CMTM7: variants seen among roughly 807,000 people sequenced by gnomAD.
CMTM7 encodes the protein CKLF-like MARVEL transmembrane domain-containing protein 7.
In CMTM7, 7 loss-of-function variants were observed where a neutral mutation model predicts 19.3. The observed-to-expected ratio is 0.36, with a 90% CI of 0.21 to 0.68. The LOEUF (loss-of-function observed/expected upper bound fraction) is 0.68. Ranked by LOEUF, CMTM7 falls within the 30% of genes least tolerant of loss-of-function variation. CMTM7 has a pLI of 0.60. For synonymous variants in CMTM7, 87 were observed against 99.3 expected (o/e 0.88, Z 0.74); for missense variants, 193 against 232.6 (o/e 0.83, Z 1.11).
chr3:32,452,849 C>T (rs1214051257), intron 4 of CMTM7, among the ~76,000 whole-genome samples: 1 of 148,670 alleles, frequency 6.7e-6, no homozygotes, highest in Non-Finnish European at 1.5e-5. Context: ...CTCCCAGGCT[C>T]AAGTGATCCT....
At chr3:32,392,307 G>A (rs1695849014) in intron 1 of CMTM7, among the ~76,000 whole-genome samples, 1 of 151,450 alleles carries the variant, frequency 6.6e-6, no homozygotes, top group Non-Finnish European at 1.5e-5. Flanking sequence ...GACCCAGGTC[G>A]CCAGGGTCGC....
chr3:32,415,416 G>A (rs762898329), intron 1 of CMTM7, among the ~76,000 whole-genome samples: 15 of 152,168 alleles, frequency 9.9e-5, no homozygotes, highest in Non-Finnish European at 2.1e-4. Context: ...CCTGCAGGTC[G>A]TCTTCCACTG....
intron 1 of CMTM7, among the ~76,000 whole-genome samples, chr3:32,401,201 A>G (rs1460432617): frequency 4.6e-5 from 7 of 152,234 alleles, no homozygotes; most frequent in African/African-American, 1.7e-4. Flanking sequence ...GTATCTGCAT[A>G]TATTTGAAGA....
intron 1 of CMTM7, among the ~76,000 whole-genome samples, chr3:32,418,668 C>G (rs1413727744): frequency 6.6e-6 from 1 of 152,166 alleles, no homozygotes; most frequent in Non-Finnish European, 1.5e-5. Flanking sequence ...CCTTTCTCCA[C>G]TGAATTACTT....
intron 4 of CMTM7, among the ~76,000 whole-genome samples, chr3:32,454,001 C>T (rs938087501): frequency 6.6e-6 from 1 of 152,136 alleles, no homozygotes; most frequent in African/African-American, 2.4e-5. Context: ...TGGGAGGTTG[C>T]TGCTGAGGAG....
intron 1 of CMTM7, among the ~76,000 whole-genome samples, 184 bp downstream of exon 1, chr3:32,392,249 C>T (rs1304303802): frequency 6.6e-6 from 1 of 152,198 alleles, no homozygotes; most frequent in East Asian, 1.9e-4. Flanking sequence ...GCCGCAGCCC[C>T]CGCGCTGGAG....
chr3:32,453,322 C>T (rs896913771), intron 4 of CMTM7, among the ~76,000 whole-genome samples: 8 of 152,006 alleles, frequency 5.3e-5, no homozygotes, highest in Non-Finnish European at 8.8e-5. Context: ...ATCACACTAC[C>T]CAGAAGTAGC....
chr3:32,454,186 T>C (rs1696876207), intron 4 of CMTM7, 55 bp from the exon 5 acceptor site: 4 of 1,553,018 alleles, frequency 2.6e-6, no homozygotes, highest in Non-Finnish European at 3.5e-6. Flanking sequence ...GGAGTGTGGC[T>C]TGTGGGTGGG....
chr3:32,393,369 A>G (rs1329016038), intron 1 of CMTM7, among the ~76,000 whole-genome samples: 1 of 152,216 alleles, frequency 6.6e-6, no homozygotes, highest in African/African-American at 2.4e-5. Flanking sequence ...CCAGGCTAAG[A>G]GATTTGATCA....
chr3:32,391,990 C>G lies in CMTM7; in HGVS notation c.84C>G (p.Ser28Arg). 3.2e-6 allele frequency: 4 copies of G among 1,233,620 alleles called. No homozygotes were observed. Among genetic ancestry groups the G allele is most frequent in the Non-Finnish European group, 4.1e-6 (4 of 987,072 alleles). The allele number at this position is 1,233,620 out of a possible 1,614,324, so 76.4% of individuals were successfully genotyped here. A position where few individuals can be genotyped will look rare whatever the true frequency, so the allele number is the denominator to read the frequency against. The stretch of plus-strand genomic sequence containing the variant: ...CCGGGGCCGGCGCGGCCCAGCCCAG[C>G]GCGAGCCCCTTGGAGGGGCTGCTGG... The part of the protein sequence containing the change: ...LGPGAGAAQP[S>R]ASPLEGLLDL... Residue 28 changes from serine (S) to arginine (R), a missense_variant, in exon 1 of 5, where the codon AGC becomes AGG. By Grantham distance (110) the Ser-to-Arg change is moderately radical. Coordinates refer to ENST00000334983, the MANE Select transcript of CMTM7 (RefSeq NM_138410.4).
intron 1 of CMTM7, among the ~76,000 whole-genome samples, chr3:32,404,142 C>CTTTTTTTTCTT (rs1559401304): frequency 0.015 from 1,628 of 108,932 alleles, 97 homozygotes; most frequent in Non-Finnish European, 0.021. Flanking sequence ...TTCTTTCTTT[C>CTTTTTTTTCTT]TTTTTTTTTC....
intron 1 of CMTM7, among the ~76,000 whole-genome samples, chr3:32,398,078 G>A (rs751235954): frequency 3.9e-5 from 6 of 152,152 alleles, no homozygotes; most frequent in Non-Finnish European, 8.8e-5. Flanking sequence ...GTTTAAGTTA[G>A]AGATAAGTGG....
At chr3:32,413,215 A>G (rs1696205556) in intron 1 of CMTM7, among the ~76,000 whole-genome samples, 1 of 152,228 alleles carries the variant, frequency 6.6e-6, no homozygotes, top group African/African-American at 2.4e-5. Flanking sequence ...TCATTTACCA[A>G]AAAGAAATGG....
chr3:32,445,538 G>A (rs187126180), intron 2 of CMTM7, among the ~76,000 whole-genome samples: 4 of 152,048 alleles, frequency 2.6e-5, no homozygotes, highest in Non-Finnish European at 4.4e-5. Context: ...TTTTAGACAG[G>A]ATCTTGGTCT....
Position 32,437,798 on chromosome 3 carries a change from G to A in CMTM7, c.160-4042G>A, listed in dbSNP as rs537903699. Among the ~76,000 whole-genome samples, 4 of 152,216 alleles carry A rather than the reference G, an allele frequency of 2.6e-5. No homozygotes were observed. The East Asian group carries it at 7.7e-4, about 29-fold the overall frequency. On this transcript the variant is annotated intron_variant, in intron 1 of 4. Coordinates refer to ENST00000334983, the MANE Select transcript of CMTM7 (RefSeq NM_138410.4). ...CCCAGCTACTTGTGAGGCTGAGGTA[G>A]GAGAATCCCTTGAACCAGGGAGGTG...
At chr3:32,429,296 A>T (rs1331721574) in intron 1 of CMTM7, among the ~76,000 whole-genome samples, 18 of 139,892 alleles carry the variant, frequency 1.3e-4, no homozygotes, top group Admixed American at 1.4e-4. Context: ...TGAGTAGTGT[A>T]TTTTTTTTTT....
chr3:32,412,571 C>CA (rs1310993913), intron 1 of CMTM7, among the ~76,000 whole-genome samples: 1 of 145,886 alleles, frequency 6.9e-6, no homozygotes, highest in African/African-American at 2.5e-5. Context: ...CAGTTTTTTT[C>CA]ATCTGGGTCT....
At chr3:32,410,975 G>A (rs575044180) in intron 1 of CMTM7, among the ~76,000 whole-genome samples, 140 of 152,360 alleles carry the variant, frequency 9.2e-4, no homozygotes, top group African/African-American at 3.2e-3. Flanking sequence ...GGCAAGCTCA[G>A]TTTGTGATAC....
intron 1 of CMTM7, among the ~76,000 whole-genome samples, chr3:32,440,050 A>G (rs1696651801): frequency 6.6e-6 from 1 of 150,424 alleles, no homozygotes; most frequent in Non-Finnish European, 1.5e-5. Context: ...TAACACACCC[A>G]TACACTAACA....
Sources: allele counts gnomAD v4.1 joint callset (sites outside exome capture counted in the v4.1 genomes callset), GRCh38; gene constraint gnomAD v4.1.1; transcripts MANE v1.5; gene names NCBI Gene and HGNC (gene_info 2026-07-23, HGNC 2026-07-21).